EVC2: variants seen among roughly 807,000 people sequenced by gnomAD.
EVC2 encodes the protein EvC ciliary complex subunit 2.
Under a neutral mutation model 149.3 loss-of-function variants are expected in EVC2, and 148 were observed. The ratio of observed to expected loss-of-function variants is 0.99; its 90% CI spans 0.87 to 1.14. The LOEUF (loss-of-function observed/expected upper bound fraction) is 1.14, where lower values mean the gene tolerates loss of function less well. EVC2 is among the 50% of genes most tolerant of loss of function. EVC2 has a pLI of 0.00. For missense variants in EVC2, 1,854 were observed against 1,627.3 expected, an observed-to-expected ratio of 1.14 and a Z score of -2.40; for synonymous variants, 776 against 649.9, an observed-to-expected ratio of 1.19 and a Z score of -2.95.
At chr4:5,620,813 G>T (rs1715634823) in intron 14 of EVC2, among the ~76,000 whole-genome samples, 1 of 152,216 alleles carries the variant, frequency 6.6e-6, no homozygotes, top group South Asian at 2.1e-4. Flanking sequence ...AAAATGACCA[G>T]CTGGTAATAG....
At position 5,562,789 on chromosome 4, in the gene EVC2, C is replaced by A; in HGVS notation, c.*59G>T. 17 of 1,609,034 alleles carry A rather than the reference C, an allele frequency of 1.1e-5. No homozygotes were observed. Among genetic ancestry groups the A allele is most frequent in the Non-Finnish European group, 1.4e-5 (17 of 1,179,964 alleles). On this transcript the variant is annotated 3_prime_UTR_variant, in exon 22 of 22. Coordinates refer to ENST00000344408, the MANE Select transcript of EVC2 (RefSeq NM_147127.5). This position sits in a 1 kb window ranked among gnomAD's most constrained non-coding sequence, Gnocchi z 4.3. ...TGCATTATAAACACACAAACACCGG[C>A]GGGCAGGAGAAAATCATCCCTTCTC... is the stretch of plus-strand genomic sequence containing the variant.
intron 19 of EVC2, among the ~76,000 whole-genome samples, chr4:5,571,742 G>T (rs1435960896): frequency 6.6e-6 from 1 of 152,174 alleles, no homozygotes; most frequent in Non-Finnish European, 1.5e-5. Context: ...CATTTGGCTG[G>T]GCCACTGTGC....
At chr4:5,545,827 G>A (rs148104308) in intron 21 of EVC2, among the ~76,000 whole-genome samples, 240 of 152,270 alleles carry the variant, frequency 1.6e-3, no homozygotes, top group African/African-American at 5.3e-3. Context: ...TCCAACAGGA[G>A]GTAAGGTGCT....
chr4:5,655,491 A>G (rs73198197), intron 9 of EVC2, among the ~76,000 whole-genome samples: 21,653 of 152,036 alleles, frequency 0.14, 1,616 homozygotes, highest in Middle Eastern at 0.18. Context: ...CTCCTCTGGC[A>G]CACGTTCCCT....
chr4:5,694,597 T>C (rs1721345776), intron 2 of EVC2, 96 bp from the exon 3 acceptor site: 1 of 1,420,572 alleles, frequency 7.0e-7, no homozygotes, highest in Middle Eastern at 1.8e-4. Flanking sequence ...ACATGGAAGG[T>C]ACTTAGAAGA....
At chr4:5,535,635 A>AGAGAGAGAGAGAGAGAGAG in the EVC2 span, among the ~76,000 whole-genome samples, 114 of 87,826 alleles carry the variant, frequency 1.3e-3, no homozygotes, top group Middle Eastern at 5.7e-3. This position sits in a 1 kb window ranked among gnomAD's most constrained non-coding sequence, Gnocchi z 4.7. Flanking sequence ...GAGAGAGAGA[A>AGAGAGAGAGAGAGAGAGAG]AGAGATAATC....
chr4:5,618,473 C>A lies in EVC2; in HGVS notation c.2706+5G>T, dbSNP rs747272944. 18 of 1,612,526 alleles carry A rather than the reference C, an allele frequency of 1.1e-5. No individual in the cohort carries two copies. Among genetic ancestry groups the A allele is most frequent in the Non-Finnish European group, 1.5e-5 (18 of 1,180,030 alleles). ...TGTAATCGGCCACTGACAGGTCCAT[C>A]CTACCTGCAGCTCAGGGGCAGCCAC... On this transcript the variant is annotated splice_donor_5th_base_variant and intron_variant, in intron 15 of 21. Transcript: ENST00000344408. The surrounding 1 kb of genome is among the most constrained non-coding windows in gnomAD (Gnocchi z 4.4).
downstream of EVC2, among the ~76,000 whole-genome samples, chr4:5,541,626 G>A (rs1721515015): frequency 6.6e-6 from 1 of 152,184 alleles, no homozygotes; most frequent in African/African-American, 2.4e-5. Context: ...CTTGAAGCAA[G>A]GTTTTTGATG....
intron 7 of EVC2, 28 bp downstream of exon 7, chr4:5,681,232 G>T (rs757040315): frequency 1.2e-5 from 20 of 1,612,758 alleles, no homozygotes; most frequent in Non-Finnish European, 8.5e-7. Context: ...GTGTCCTGAG[G>T]GTGCTCAGGG....
At chr4:5,662,143 C>T (rs1172411993) in intron 9 of EVC2, among the ~76,000 whole-genome samples, 2 of 152,196 alleles carry the variant, frequency 1.3e-5, no homozygotes, top group Non-Finnish European at 2.9e-5. Context: ...CTACTGACAT[C>T]TCACCAAACG....
At chr4:5,558,902 G>A (rs893024759), downstream of EVC2, among the ~76,000 whole-genome samples, 2 of 152,170 alleles carry the variant, frequency 1.3e-5, no homozygotes, top group Non-Finnish European at 2.9e-5. Context: ...TTGGAATGGA[G>A]AGGAGAAGGG....
In EVC2 at chr4:5,689,264, A is replaced by C. The variant is rs1211363362; in HGVS notation, c.599T>G (p.Leu200Arg). Residue 200 changes from leucine to arginine, a missense_variant, in exon 5 of 22, where the codon CTC becomes CGC. Coordinates refer to ENST00000344408, the MANE Select transcript of EVC2 (RefSeq NM_147127.5). ...GCTGTCCAGCAAGAGCAGCTCCGAG[A>C]GGTTGGCTGACGAGGTTGTCTTGGT... ...NNTKTTSSAN[L>R]SELLLLDSIA... 1 of 1,614,146 alleles carries C rather than the reference A, an allele frequency of 6.2e-7. No homozygotes were observed. Among genetic ancestry groups the C allele is most frequent in the East Asian group, 2.2e-5 (1 of 44,876 alleles).
At chr4:5,697,707 A>C in intron 1 of EVC2, 60 bp from the exon 2 acceptor site, 2 of 1,490,572 alleles carry the variant, frequency 1.3e-6, no homozygotes, top group Non-Finnish European at 1.9e-6. Flanking sequence ...AGTGATAATA[A>C]ATAATCTTTG....
chr4:5,546,710 TATA>T (rs1159504001), intron 21 of EVC2, among the ~76,000 whole-genome samples: 26 of 150,682 alleles, frequency 1.7e-4, no homozygotes, highest in African/African-American at 5.9e-4. Context: ...AAACTTAAAG[TATA>T]ATAATAATAA....
At chr4:5,529,640 T>A in the EVC2 span, among the ~76,000 whole-genome samples, 1 of 152,138 alleles carries the variant, frequency 6.6e-6, no homozygotes, top group Non-Finnish European at 1.5e-5. This position sits in a 1 kb window ranked among gnomAD's most constrained non-coding sequence, Gnocchi z 4.5. Context: ...TGCTTGTAAA[T>A]TGAAATACAT....
intron 21 of EVC2, among the ~76,000 whole-genome samples, chr4:5,549,388 G>A (rs1721690939): frequency 6.6e-6 from 1 of 152,206 alleles, no homozygotes; most frequent in African/African-American, 2.4e-5. Context: ...GGGTCTCACA[G>A]GTAGTCTGAG....
rs1462800351 is a variant in EVC2 at position 5,689,161 on chromosome 4, C to T, written c.702G>A (p.Leu234=). 6.2e-7 allele frequency: 1 copy of T among 1,614,148 alleles called. No individual in the cohort carries two copies. Among genetic ancestry groups the T allele is most frequent in the Non-Finnish European group, 8.5e-7 (1 of 1,180,036 alleles). Residue 234 remains leucine, a synonymous_variant, in exon 5 of 22, where the codon CTG becomes CTA. Coordinates refer to ENST00000344408, the MANE Select transcript of EVC2 (RefSeq NM_147127.5). ...TTCAGAACGCTTTGCTGTTACCTTGCAGAAACTTCTTGCTAAAAGCCTGGA... is the reference window on the plus strand; with the variant it reads ...TTCAGAACGCTTTGCTGTTACCTTGTAGAAACTTCTTGCTAAAAGCCTGGA... ...EGFQAFSKKF[L]QVGDAFAVSY...
chr4:5,612,034 T>C (rs1363688319), intron 16 of EVC2, among the ~76,000 whole-genome samples: 2 of 152,240 alleles, frequency 1.3e-5, no homozygotes, highest in Non-Finnish European at 2.9e-5. Flanking sequence ...ACAGACTTCA[T>C]GGCTATCACA....
chr4:5,588,396 G>A (rs1049328055), intron 16 of EVC2, among the ~76,000 whole-genome samples: 2 of 151,996 alleles, frequency 1.3e-5, no homozygotes, highest in African/African-American at 2.4e-5. Context: ...CTTATGCTTG[G>A]GATACACTGA....
Sources: allele counts gnomAD v4.1 joint callset (sites outside exome capture counted in the v4.1 genomes callset), GRCh38; gene constraint gnomAD v4.1.1; non-coding constraint Gnocchi (gnomAD v3.1); transcripts MANE v1.5; gene names NCBI Gene and HGNC (gene_info 2026-07-23, HGNC 2026-07-21).